Variants in EHBP1L1 observed in about 807,000 individuals in gnomAD.
EHBP1L1 encodes the protein EH domain binding protein 1 like 1, also known as EH domain-binding protein 1-like protein 1.
EHBP1L1 carries 122 observed loss-of-function variants against 151.1 expected under a neutral mutation model. The observed-to-expected ratio is 0.81, with a 90% CI of 0.70 to 0.94. The LOEUF (loss-of-function observed/expected upper bound fraction) is 0.94. EHBP1L1 is among the 40% of genes least tolerant of loss of function. The pLI, the probability that EHBP1L1 is intolerant of heterozygous loss-of-function variation, is 0.00. For missense variants in EHBP1L1, 1,941 were observed against 1,959.8 expected (o/e 0.99, Z 0.18); for synonymous variants, 878 against 810.1 (o/e 1.08, Z -1.42).
chr11:65,591,487 T>G, intron 16 of EHBP1L1: 1 of 479,728 alleles, frequency 2.1e-6, no homozygotes, highest in Non-Finnish European at 3.8e-6. Context: ...CCCTTTTGCG[T>G]TTGGGATTTT....
Position 65,578,992 on chromosome 11 carries a change from G to C in EHBP1L1, c.105-86G>C. 6.0e-6 allele frequency: 8 copies of C among 1,326,664 alleles called. No individual in the cohort carries two copies. The South Asian group carries it at 1.0e-4, about 17-fold the overall frequency. 82.2% of individuals were successfully genotyped at this position (1,326,664 alleles called of 1,614,324 possible). A position where few individuals can be genotyped will look rare whatever the true frequency, so the allele number is the denominator to read the frequency against. ...GCAGAAGGAAGACCCTGAGGGAGCT[G>C]GGGGAGGAGGAAGAGGAGATGGGGA... On this transcript the variant is annotated intron_variant, in intron 1 of 18. Transcript: ENST00000309295.
In EHBP1L1 at chr11:65,583,770, G is replaced by A. The variant is rs1857775850; in HGVS notation, c.3093+5G>A. On this transcript the variant is annotated splice_donor_5th_base_variant and intron_variant, in intron 9 of 18. Transcript: ENST00000309295. ...AGGAGGCTGCCGGGCAGCCAGGTAG[G>A]GATGGGGGCCGCCGAGGGCCCAGTC... 1 of 1,473,766 alleles carries A rather than the reference G, an allele frequency of 6.8e-7. No homozygotes were observed. Among genetic ancestry groups the A allele is most frequent in the African/African-American group, 1.4e-5 (1 of 70,168 alleles). 91.3% of individuals were successfully genotyped at this position (1,473,766 alleles called of 1,614,324 possible). A position where few individuals can be genotyped will look rare whatever the true frequency, so the allele number is the denominator to read the frequency against.
chr11:65,581,970 G>A lies in EHBP1L1; in HGVS notation c.1298G>A (p.Arg433Lys). 1.9e-6 allele frequency: 3 copies of A among 1,613,818 alleles called. No individual in the cohort carries two copies. Among genetic ancestry groups the A allele is most frequent in the Non-Finnish European group, 1.7e-6 (2 of 1,179,848 alleles). ...GATGCTGAGCAGAGGTCAAAGGTGA[G>A]ACATGTGGACACTAAGGGACCAGAG... ...QVDAEQRSKV[R>K]HVDTKGPEAT... The change falls in exon 9 of 19, where the codon AGA becomes AAA. Residue 433 changes from arginine (R) to lysine (K), a missense_variant. Arg to Lys is a conservative substitution (Grantham distance 26). Transcript: ENST00000309295.
rs185934189 is a variant in EHBP1L1, at chr11:65,580,629, A to G, written c.634+150A>G. The G allele has an allele frequency of 3.4e-3, 3,692 of 1,081,374 alleles. 12 individuals carry two copies. The highest frequency in any genetic ancestry group is 4.1e-3 in the Non-Finnish European group (3,199 of 772,138). The allele number at this position is 1,081,374 out of a possible 1,614,324, so 67.0% of individuals were successfully genotyped here. ...CCAACCCAGCAGCCTCAATTGTCCC[A>G]ACCTGGCTGCTGGTCCCACGATAGC... On this transcript the variant is annotated intron_variant, in intron 6 of 18. Transcript: ENST00000309295.
chr11:65,584,594 T>C, intron 11 of EHBP1L1, 60 bp downstream of exon 11: 2 of 1,574,042 alleles, frequency 1.3e-6, no homozygotes, highest in Non-Finnish European at 1.7e-6. Flanking sequence ...AGGCTCTCAG[T>C]GTCAGATTTG....
intron 1 of EHBP1L1, among the ~76,000 whole-genome samples, chr11:65,576,992 G>A (rs1857361841): frequency 6.6e-6 from 1 of 152,220 alleles, no homozygotes; most frequent in Non-Finnish European, 1.5e-5. Context: ...GCAGCTTAAA[G>A]GGGCCTGAGG....
Position 65,585,321 on chromosome 11 carries a change from C to T in EHBP1L1, c.3663C>T (p.Gly1221=), listed in dbSNP as rs1857904489. The T allele has an allele frequency of 6.5e-6, 7 of 1,083,656 alleles. No individual in the cohort carries two copies. In the South Asian group the frequency reaches 2.5e-4, roughly 38 times the overall value. 67.1% of individuals were successfully genotyped at this position (1,083,656 alleles called of 1,614,324 possible). Residue 1221 remains glycine (G), a synonymous_variant, in exon 12 of 19, where the codon GGC becomes GGT. Coordinates refer to ENST00000309295, the MANE Select transcript of EHBP1L1 (RefSeq NM_001099409.3). The surrounding 1 kb of genome is among the most constrained non-coding windows in gnomAD (Gnocchi z 4.0). The part of the protein sequence containing the change: ...NAVAGRASKD[G]GAEAPRESRP... ...TCGCGGGCCGCGCCTCCAAGGACGG[C>T]GGGGCCGAGGCCCCCCGAGAGTCGC...
chr11:65,590,434 CTG>C lies in EHBP1L1; in HGVS notation c.4184-58_4184-57del. The C allele has an allele frequency of 8.8e-6, 14 of 1,583,522 alleles. No homozygotes were observed. The South Asian group carries it at 1.6e-4, about 18-fold the overall frequency. On this transcript the variant is annotated intron_variant, in intron 15 of 18. Transcript: ENST00000309295. ...GCAAACCCCCTCCCCCAACCCCCAG[CTG>C]CCCTACCCTGACACGGGGCAGGGGG...
Position 65,580,468 on chromosome 11 carries a change from T to A in EHBP1L1, c.623T>A (p.Val208Asp), listed in dbSNP as rs764163319. The change falls in exon 6 of 19, where the codon GTC becomes GAC. Residue 208 changes from valine to aspartate, a missense_variant. Physicochemically the swap from Val to Asp is radical, Grantham distance 152. Coordinates refer to ENST00000309295, the MANE Select transcript of EHBP1L1 (RefSeq NM_001099409.3). Reference sequence around the variant, plus strand: ...GGAGCCCCGGAGGCCCGGGCTCGAGTCCCCCAGCCAGGTGGGCTCACAGCC... The same window carrying A: ...GGAGCCCCGGAGGCCCGGGCTCGAGACCCCCAGCCAGGTGGGCTCACAGCC... ...GPGAPEARAR[V>D]PQPDPSRELK... is the part of the protein sequence containing the mutation. The A allele has an allele frequency of 8.7e-6, 14 of 1,611,798 alleles. No individual in the cohort carries two copies. Among genetic ancestry groups the A allele is most frequent in the Non-Finnish European group, 1.1e-5 (13 of 1,179,668 alleles).
Position 65,592,533 on chromosome 11 carries a change from C to G in EHBP1L1, c.*231C>G, listed in dbSNP as rs554201199. On this transcript the variant is annotated 3_prime_UTR_variant, in exon 19 of 19. Coordinates refer to ENST00000309295, the MANE Select transcript of EHBP1L1 (RefSeq NM_001099409.3). ...GCGCGCTCGCGGCGGGTGCGGGGTC[C>G]TCCCCGACGGCACGGCCGGGCCGGC... is the stretch of plus-strand genomic sequence containing the variant. 1.4e-3 allele frequency: 287 copies of G among 209,316 alleles called. 1 individual carries two copies. The highest frequency in any genetic ancestry group is 2.0e-3 in the Non-Finnish European group (211 of 107,944). The allele number at this position is 209,316 out of a possible 1,614,324, so 13.0% of individuals were successfully genotyped here. A position where few individuals can be genotyped will look rare whatever the true frequency, so the allele number is the denominator to read the frequency against.
chr11:65,585,619 C>G lies in EHBP1L1; in HGVS notation c.3933+28C>G. ...GAGTGTCAAGGTCCTTCTTTCTTCC[C>G]CCGCCGCAGCGCGGGGTCCCGGGAA... On this transcript the variant is annotated intron_variant, in intron 12 of 18. Coordinates refer to ENST00000309295, the MANE Select transcript of EHBP1L1 (RefSeq NM_001099409.3). This position sits in a 1 kb window ranked among gnomAD's most constrained non-coding sequence, Gnocchi z 4.0. 1 of 1,546,796 alleles carries G rather than the reference C, an allele frequency of 6.5e-7. No individual in the cohort carries two copies. The highest frequency in any genetic ancestry group is 8.7e-7 in the Non-Finnish European group (1 of 1,153,106).
chr11:65,576,455 A>ACTGTAGTTGGGGGAGGGGG, intron 1 of EHBP1L1, 49 bp downstream of exon 1: 1 of 1,508,758 alleles, frequency 6.6e-7, no homozygotes, highest in Non-Finnish European at 9.0e-7. Flanking sequence ...CTGGGACCTC[A>ACTGTAGTTGGGGGAGGGGG]TCCGGCCCTT....
chr11:65,583,222 G>A lies in EHBP1L1; in HGVS notation c.2550G>A (p.Gly850=), dbSNP rs182172113. 692 of 1,613,430 alleles carry A rather than the reference G, an allele frequency of 4.3e-4. 1 individual carries two copies. In the African/African-American group the frequency reaches 7.8e-3, roughly 18 times the overall value. ...GAQETEVGGS[G]ISGPEAGMAE... ...AGGAGACAGAGGTCGGGGGTTCAGG[G>A]ATCTCAGGGCCCGAGGCTGGAATGG... Residue 850 remains glycine (G), a synonymous_variant, in exon 9 of 19, where the codon GGG becomes GGA. Transcript: ENST00000309295.
rs375915890 is a variant in EHBP1L1 at position 65,581,779 on chromosome 11, C to A, written c.1107C>A (p.Asp369Glu). 3.7e-6 allele frequency: 6 copies of A among 1,612,792 alleles called. No homozygotes were observed. The African/African-American group carries it at 8.0e-5, about 22-fold the overall frequency. Residue 369 changes from aspartate (D) to glutamate (E), a missense_variant, in exon 9 of 19, where the codon GAC (aspartate) becomes GAA (glutamate). Coordinates refer to ENST00000309295, the MANE Select transcript of EHBP1L1 (RefSeq NM_001099409.3). The stretch of plus-strand genomic sequence containing the variant: ...GCATTGAGGATAAAGGTTCTGGAGA[C>A]CCTTTTGGAAGGCAGAGACTCAAGG... Reference protein sequence around the residue: ...GPSIEDKGSGDPFGRQRLKAE... With the variant: ...GPSIEDKGSGEPFGRQRLKAE...
At chr11:65,580,929 C>T (rs1056386595) in intron 6 of EHBP1L1, 129 bp from the exon 7 acceptor site, 40 of 1,449,108 alleles carry the variant, frequency 2.8e-5, no homozygotes, top group Non-Finnish European at 1.4e-5. Flanking sequence ...TTCTCGCAGG[C>T]CGGGGCGGTG....
chr11:65,580,872 T>C, intron 6 of EHBP1L1, 186 bp from the exon 7 acceptor site: 1 of 1,388,708 alleles, frequency 7.2e-7, no homozygotes, highest in Non-Finnish European at 9.4e-7. Flanking sequence ...CTCTGTCCAC[T>C]GTTGAGGTTC....
At position 65,591,592 on chromosome 11, in the gene EHBP1L1, C is replaced by T. The variant is rs900690402; in HGVS notation, c.4284-208C>T. 25 of 623,286 alleles carry T rather than the reference C, an allele frequency of 4.0e-5. No individual in the cohort carries two copies. In the Admixed American group the frequency reaches 6.1e-4, roughly 15 times the overall value. 38.6% of individuals were successfully genotyped at this position (623,286 alleles called of 1,614,324 possible). A position where few individuals can be genotyped will look rare whatever the true frequency, so the allele number is the denominator to read the frequency against. Reference sequence around the variant, plus strand: ...TCTGGGGGGTGTGTGGGAGGAGCAACACAAACACCCAGCAATTGGAGAAAA... The same window carrying T: ...TCTGGGGGGTGTGTGGGAGGAGCAATACAAACACCCAGCAATTGGAGAAAA... On this transcript the variant is annotated intron_variant, in intron 16 of 18. Transcript: ENST00000309295.
chr11:65,588,925 C>T (rs1858114937), intron 12 of EHBP1L1, among the ~76,000 whole-genome samples: 1 of 152,038 alleles, frequency 6.6e-6, no homozygotes, highest in African/African-American at 2.4e-5. Context: ...GGGTCCAGGT[C>T]TGGGGAGCCC....
chr11:65,590,370 C>G, intron 15 of EHBP1L1, 123 bp from the exon 16 acceptor site: 5 of 1,493,416 alleles, frequency 3.3e-6, no homozygotes, highest in Non-Finnish European at 4.5e-6. Context: ...GTGGCTTCCT[C>G]GAGGCACACA....
Sources: gnomAD v4.1 joint callset for allele counts (sites outside exome capture counted in the v4.1 genomes callset) on GRCh38, gnomAD v4.1.1 for gene constraint, Gnocchi (gnomAD v3.1) non-coding constraint, MANE v1.5 for transcripts, NCBI Gene and HGNC (gene_info 2026-07-23, HGNC 2026-07-21) for gene names.